The following PPP2R2D variants were observed in gnomAD, a reference collection of about 807,000 sequenced individuals.
PPP2R2D encodes protein phosphatase 2 regulatory subunit Bdelta.
A neutral mutation model predicts 31.1 loss-of-function variants in PPP2R2D; 9 were observed. That is an observed-to-expected ratio of 0.29 (90% CI 0.17 to 0.51). The LOEUF is 0.51. Among genes scored for constraint, PPP2R2D ranks in the 20% least tolerant of loss-of-function variants. The pLI is 0.98. For missense variants in PPP2R2D, 391 were observed against 465.6 expected, an observed-to-expected ratio of 0.84 and a Z score of 1.48; for synonymous variants, 179 against 172.6, an observed-to-expected ratio of 1.04 and a Z score of -0.29.
At chr10:131,959,843 G>T (rs1293597893), downstream of PPP2R2D, 1 of 152,188 alleles carries the variant, frequency 6.6e-6, no homozygotes, top group Non-Finnish European at 1.5e-5. Context: ...GATTTTCACT[G>T]CGTATTTGGA....
intron 2 of PPP2R2D, among the ~76,000 whole-genome samples, chr10:131,916,188 G>A (rs544929772): frequency 1.3e-4 from 20 of 152,300 alleles, no homozygotes; most frequent in Admixed American, 9.8e-4. Flanking sequence ...CGCAGGACAG[G>A]CTGTGGTGGA....
At chr10:131,936,208 C>T (rs951516436) in intron 3 of PPP2R2D, among the ~76,000 whole-genome samples, 2 of 151,702 alleles carry the variant, frequency 1.3e-5, no homozygotes, top group African/African-American at 2.4e-5. Context: ...AGTGCAATGG[C>T]GTGATCTTGG....
Position 131,901,035 on chromosome 10 carries a change from G to GCGGCGGCGGCGGCGGCGGCGGCGC in PPP2R2D, c.-103_-102insGCGGCGGCGGCGCCGGCGGCGGCG, listed in dbSNP as rs2035480563. ...AAATCCCTCCCCGGCGGCGGCGGCG[G>GCGGCGGCGGCGGCGGCGGCGGCGC]CGGCGGCGGCGCCGGCGGTGGTGGC... On this transcript the variant is annotated 5_prime_UTR_variant, in exon 1 of 9. Transcript: ENST00000455566. 1.3e-5 allele frequency: 2 copies of GCGGCGGCGGCGGCGGCGGCGGCGC among 159,218 alleles called. No homozygotes were observed. Among genetic ancestry groups the GCGGCGGCGGCGGCGGCGGCGGCGC allele is most frequent in the East Asian group, 3.7e-4 (2 of 5,404 alleles). 9.9% of individuals were successfully genotyped at this position (159,218 alleles called of 1,614,324 possible).
intron 2 of PPP2R2D, among the ~76,000 whole-genome samples, chr10:131,931,794 C>A (rs1267415092): frequency 6.6e-6 from 1 of 152,174 alleles, no homozygotes; most frequent in East Asian, 1.9e-4. Flanking sequence ...CCTTGTAAAA[C>A]CCAAATGTTT....
Position 131,947,456 on chromosome 10 carries a change from C to T in PPP2R2D, c.821-74C>T. 3 of 1,504,650 alleles carry T rather than the reference C, an allele frequency of 2.0e-6. No homozygotes were observed. The highest frequency in any genetic ancestry group is 2.7e-6 in the Non-Finnish European group (3 of 1,117,170). 93.2% of individuals were successfully genotyped at this position (1,504,650 alleles called of 1,614,324 possible). A position where few individuals can be genotyped will look rare whatever the true frequency, so the allele number is the denominator to read the frequency against. The stretch of plus-strand genomic sequence containing the variant: ...CAGAGTCTCTCTGAAGGGGCCACTT[C>T]CTACTTGAACTTGAAAATGATTTGT... On this transcript the variant is annotated intron_variant, in intron 7 of 8. Transcript: ENST00000455566. This position sits in a 1 kb window ranked among gnomAD's most constrained non-coding sequence, Gnocchi z 4.3.
At chr10:131,970,334 A>G in the PPP2R2D span, 1 of 429,380 alleles carries the variant, frequency 2.3e-6, no homozygotes, top group South Asian at 2.7e-5. The surrounding 1 kb of genome is among the most constrained non-coding windows in gnomAD (Gnocchi z 4.1). Context: ...GACTGCTTTC[A>G]CCTACACACA....
rs781828721 is a variant in PPP2R2D, at chr10:131,940,190, A to G, written c.358A>G (p.Thr120Ala). ...QQNAAHFLLS[T>A]NDKTIKLWKI... ...GAATGCTGCTCATTTTCTACTGTCTACAAATGGTAAGAATTGTGTTCTAAG... is the reference window on the plus strand; with the variant it reads ...GAATGCTGCTCATTTTCTACTGTCTGCAAATGGTAAGAATTGTGTTCTAAG... The change falls in exon 4 of 9, where the codon ACA becomes GCA. Residue 120 changes from threonine to alanine, a missense_variant. Thr to Ala is a moderately conservative substitution (Grantham distance 58). Around this residue, in one of 3 missense-constraint regions of PPP2R2D, gnomAD observed 105 missense variants for 98.5 expected, o/e 1.07. Coordinates refer to ENST00000455566, the MANE Select transcript of PPP2R2D (RefSeq NM_018461.5). The G allele has an allele frequency of 8.1e-6, 6 of 741,806 alleles. No individual in the cohort carries two copies. In the South Asian group the frequency reaches 8.8e-5, roughly 11 times the overall value. 46.0% of individuals were successfully genotyped at this position (741,806 alleles called of 1,614,324 possible).
intron 2 of PPP2R2D, among the ~76,000 whole-genome samples, chr10:131,928,679 C>T (rs1169773376): frequency 1.3e-5 from 2 of 152,136 alleles, no homozygotes; most frequent in South Asian, 2.1e-4. Context: ...GTGCCGTGGG[C>T]GGAGGCTGGC....
intron 2 of PPP2R2D, among the ~76,000 whole-genome samples, chr10:131,910,180 C>CT (rs2035661097): frequency 6.6e-6 from 1 of 152,206 alleles, no homozygotes; most frequent in African/African-American, 2.4e-5. Context: ...TTTCTGTACT[C>CT]TCTTCCGTCA....
intron 8 of PPP2R2D, among the ~76,000 whole-genome samples, chr10:131,952,928 CGG>C (rs536290343): frequency 6.9e-5 from 2 of 28,912 alleles, no homozygotes; most frequent in Non-Finnish European, 6.1e-5. Context: ...CAGTGACTTG[CGG>C]GGGGGGTCCC....
chr10:131,913,430 C>T (rs2035716485), intron 2 of PPP2R2D, among the ~76,000 whole-genome samples: 1 of 152,106 alleles, frequency 6.6e-6, no homozygotes, highest in Non-Finnish European at 1.5e-5. Context: ...ACACTCTCCT[C>T]TCCGAGTACA....
At chr10:131,960,724 G>T (rs537068191), downstream of PPP2R2D, among the ~76,000 whole-genome samples, 1 of 152,316 alleles carries the variant, frequency 6.6e-6, no homozygotes, top group East Asian at 1.9e-4. Flanking sequence ...CTGGGGCTGC[G>T]GAGGCTCTCC....
At chr10:131,915,264 A>T (rs970288656) in intron 2 of PPP2R2D, among the ~76,000 whole-genome samples, 4 of 152,128 alleles carry the variant, frequency 2.6e-5, no homozygotes, top group Admixed American at 2.6e-4. Flanking sequence ...TACGTGTACC[A>T]GTGCGTTTGT....
At chr10:131,914,881 T>A (rs1276792584) in intron 2 of PPP2R2D, among the ~76,000 whole-genome samples, 19 of 152,092 alleles carry the variant, frequency 1.2e-4, no homozygotes, top group African/African-American at 4.3e-4. Flanking sequence ...ACACCAAGAA[T>A]GCATTGTTTG....
At chr10:131,911,985 C>A (rs901044673) in intron 2 of PPP2R2D, 1 of 152,170 alleles carries the variant, frequency 6.6e-6, no homozygotes, top group African/African-American at 2.4e-5. Flanking sequence ...CCTCTTCATC[C>A]CACTGCTGTC....
rs2036864621 is a variant in PPP2R2D at position 131,958,614 on chromosome 10, T to C, written c.*2651T>C. ...GATGAAGGTGTGTGCTGATCTCTTGTCCCCCTGTGGAGATGGAGGTGTGTG... is the reference window on the plus strand; with the variant it reads ...GATGAAGGTGTGTGCTGATCTCTTGCCCCCCTGTGGAGATGGAGGTGTGTG... On this transcript the variant is annotated 3_prime_UTR_variant, in exon 9 of 9. Transcript: ENST00000455566. 4.4e-6 allele frequency: 1 copy of C among 228,558 alleles called. No individual in the cohort carries two copies. The highest frequency in any genetic ancestry group is 8.5e-6 in the Non-Finnish European group (1 of 117,204). 14.2% of individuals were successfully genotyped at this position (228,558 alleles called of 1,614,324 possible).
rs1229531944 is a variant in PPP2R2D at position 131,901,020 on chromosome 10, CCGG to C, written c.-105_-103del. ...TTTGAAAAGGGAAAAAAATCCCTCC[CCGG>C]CGGCGGCGGCGGCGGCGGCGGCGCC... On this transcript the variant is annotated 5_prime_UTR_variant, in exon 1 of 9. Coordinates refer to ENST00000455566, the MANE Select transcript of PPP2R2D (RefSeq NM_018461.5). The C allele has an allele frequency of 0.43, 66,716 of 153,676 alleles. 15,166 individuals are homozygous for C. Among genetic ancestry groups the C allele is most frequent in the African/African-American group, 0.55 (21,982 of 40,292 alleles). 9.5% of individuals were successfully genotyped at this position (153,676 alleles called of 1,614,324 possible). A position where few individuals can be genotyped will look rare whatever the true frequency, so the allele number is the denominator to read the frequency against.
intron 2 of PPP2R2D, among the ~76,000 whole-genome samples, chr10:131,917,431 TC>T (rs2035827836): frequency 1.3e-5 from 1 of 78,584 alleles, no homozygotes; most frequent in Admixed American, 1.5e-4. Context: ...GGGACCTCAG[TC>T]GGGTGGAATG....
intron 2 of PPP2R2D, among the ~76,000 whole-genome samples, chr10:131,904,355 C>G (rs1356182808): frequency 6.6e-6 from 1 of 151,988 alleles, no homozygotes; most frequent in Admixed American, 6.6e-5. Context: ...ACTAAAAATA[C>G]AAAAATTAGC....
Sources: gnomAD v4.1 joint callset for allele counts (sites outside exome capture counted in the v4.1 genomes callset) on GRCh38, gnomAD v4.1.1 for gene constraint, gnomAD v4.1.1 regional missense constraint, Gnocchi (gnomAD v3.1) non-coding constraint, MANE v1.5 for transcripts, NCBI Gene and HGNC (gene_info 2026-07-23, HGNC 2026-07-21) for gene names.